The following ETNK2 variants were observed in gnomAD, a reference collection of about 807,000 sequenced individuals.
ETNK2 encodes ethanolamine kinase 2.
Under a neutral mutation model 46.2 loss-of-function variants are expected in ETNK2, and 33 were observed. The ratio of observed to expected loss-of-function variants is 0.71; its 90% CI spans 0.54 to 0.96. The LOEUF (loss-of-function observed/expected upper bound fraction) is 0.96, where lower values mean the gene tolerates loss of function less well. Among genes scored for constraint, ETNK2 ranks in the 40% least tolerant of loss-of-function variants. The pLI is 0.00. For missense variants in ETNK2, 445 were observed against 509.7 expected, an observed-to-expected ratio of 0.87 and a Z score of 1.22; for synonymous variants, 194 against 209.0, an observed-to-expected ratio of 0.93 and a Z score of 0.62.
Position 204,151,873 on chromosome 1 carries a change from C to A in ETNK2, c.-21G>T, listed in dbSNP as rs905847595. 20 of 1,418,546 alleles carry A rather than the reference C, an allele frequency of 1.4e-5. No homozygotes were observed. The highest frequency in any genetic ancestry group is 1.8e-5 in the Non-Finnish European group (20 of 1,091,850). 87.9% of individuals were successfully genotyped at this position (1,418,546 alleles called of 1,614,324 possible). ...GCCATTCCCAGCAGCCCCACCCCCTCGGAGCCGCGGCAGACGCTAGCCCCG... is the reference window on the plus strand; with the variant it reads ...GCCATTCCCAGCAGCCCCACCCCCTAGGAGCCGCGGCAGACGCTAGCCCCG... On this transcript the variant is annotated 5_prime_UTR_variant, in exon 1 of 8. Transcript: ENST00000367202. This position sits in a 1 kb window ranked among gnomAD's most constrained non-coding sequence, Gnocchi z 8.0.
At position 204,137,167 on chromosome 1, in the gene ETNK2, C is replaced by T. The variant is rs770971979; in HGVS notation, c.951G>A (p.Lys317=). The change falls in exon 6 of 8, where the codon AAG becomes AAA. Residue 317 remains lysine (K), a synonymous_variant. Coordinates refer to ENST00000367202, the MANE Select transcript of ETNK2 (RefSeq NM_018208.4). ...QWLHYYLQAQ[K]GMAVTPREVQ... is the part of the protein sequence containing the mutation. ...CCTCCCTGGGGGTCACGGCCATCCC[C>T]TTTTGTGCCTGCAGGTAGTAGTGCA... 2 of 1,614,002 alleles carry T rather than the reference C, an allele frequency of 1.2e-6. No individual in the cohort carries two copies. Among genetic ancestry groups the T allele is most frequent in the Non-Finnish European group, 8.5e-7 (1 of 1,179,862 alleles).
At chr1:204,144,205 G>T (rs1657678603) in intron 3 of ETNK2, among the ~76,000 whole-genome samples, 1 of 151,802 alleles carries the variant, frequency 6.6e-6, no homozygotes, top group South Asian at 2.1e-4. Context: ...AATTAGCCGG[G>T]CGTGGTGGTG....
chr1:204,139,870 GTATT>G (rs1657431960), intron 5 of ETNK2, among the ~76,000 whole-genome samples, 161 bp downstream of exon 5: 1 of 152,172 alleles, frequency 6.6e-6, no homozygotes, highest in Non-Finnish European at 1.5e-5. Flanking sequence ...ACAATGCTAA[GTATT>G]TACGTATCTA....
Position 204,146,743 on chromosome 1 carries a change from T to C in ETNK2, c.540A>G (p.Ala180=). ...RLFRLIALEM[A]KIHTIHANGS... is the part of the protein sequence containing the mutation. ...CGTTGGCGTGGATAGTATGAATCTT[T>C]GCCATTTCTAAGGCGATTAACCTAC... The change falls in exon 3 of 8, where the codon GCA becomes GCG. Residue 180 remains alanine, a synonymous_variant. Coordinates refer to ENST00000367202, the MANE Select transcript of ETNK2 (RefSeq NM_018208.4). 6.2e-7 allele frequency: 1 copy of C among 1,614,030 alleles called. No individual in the cohort carries two copies. Among genetic ancestry groups the C allele is most frequent in the Non-Finnish European group, 8.5e-7 (1 of 1,179,902 alleles).
Position 204,132,226 on chromosome 1 carries a change from G to C in ETNK2, c.1119C>G (p.Phe373Leu), listed in dbSNP as rs1657102155. ...RYAVIRFNQY[F>L]KVKPQASALE... ...AGGCTGACGCTTGAGGCTTCACCTT[G>C]AAGTACTGGTTGAATCGGATCACTG... The change falls in exon 8 of 8, where the codon TTC (phenylalanine) becomes TTG (leucine). Residue 373 changes from phenylalanine (F) to leucine (L), a missense_variant. Phe to Leu is a conservative substitution (Grantham distance 22). Coordinates refer to ENST00000367202, the MANE Select transcript of ETNK2 (RefSeq NM_018208.4). 1 of 1,573,064 alleles carries C rather than the reference G, an allele frequency of 6.4e-7. No homozygotes were observed. The highest frequency in any genetic ancestry group is 1.2e-5 in the South Asian group (1 of 85,312).
In ETNK2 at chr1:204,134,552, G is replaced by T. The variant is rs1268901933; in HGVS notation, c.1051C>A (p.Gln351Lys). The T allele has an allele frequency of 6.2e-7, 1 of 1,614,026 alleles. No individual in the cohort carries two copies. Among genetic ancestry groups the T allele is most frequent in the South Asian group, 1.1e-5 (1 of 91,076 alleles). ...HFFWALWALI[Q>K]NQYSTIDFDF... ...AAGTCGATGGTGGAGTACTGGTTCT[G>T]GATGAGGGCCCAGAGAGCCCAGAAG... The change falls in exon 7 of 8, where the codon CAG becomes AAG. Residue 351 changes from glutamine to lysine, a missense_variant. Gln to Lys is a moderately conservative substitution (Grantham distance 53). Transcript: ENST00000367202.
chr1:204,150,577 A>G (rs530741709), intron 1 of ETNK2: 2 of 153,482 alleles, frequency 1.3e-5, no homozygotes, highest in East Asian at 3.9e-4. Flanking sequence ...GAACCATGGA[A>G]TTTACGGGGC....
Position 204,131,534 on chromosome 1 carries a change from G to T in ETNK2, c.*650C>A, listed in dbSNP as rs543769555. 1 of 153,258 alleles carries T rather than the reference G, an allele frequency of 6.5e-6. No homozygotes were observed. Among genetic ancestry groups the T allele is most frequent in the African/African-American group, 2.4e-5 (1 of 41,476 alleles). The allele number at this position is 153,258 out of a possible 1,614,324, so 9.5% of individuals were successfully genotyped here. ...CCCTCTCCTGTCCCCCCAGCAGGGGGACAAAACAGAAGCACAGGAGAGCAC... is the reference window on the plus strand; with the variant it reads ...CCCTCTCCTGTCCCCCCAGCAGGGGTACAAAACAGAAGCACAGGAGAGCAC... On this transcript the variant is annotated 3_prime_UTR_variant, in exon 8 of 8. Transcript: ENST00000367202. This position sits in a 1 kb window ranked among gnomAD's most constrained non-coding sequence, Gnocchi z 4.3.
chr1:204,143,228 T>C (rs1657630389), intron 3 of ETNK2, among the ~76,000 whole-genome samples: 1 of 151,904 alleles, frequency 6.6e-6, no homozygotes, highest in Admixed American at 6.6e-5. Flanking sequence ...AAGATTCCTT[T>C]TTTTTTTTTC....
At chr1:204,150,995 C>T in intron 1 of ETNK2, 1 of 158,004 alleles carries the variant, frequency 6.3e-6, no homozygotes, top group Non-Finnish European at 1.4e-5. Context: ...GCTCTGCCCA[C>T]AGGTGTGTCC....
rs1371159455 is a variant in ETNK2, at chr1:204,131,309, T to C, written c.*875A>G. 6.6e-6 allele frequency: 1 copy of C among 152,198 alleles called. No individual in the cohort carries two copies. The highest frequency in any genetic ancestry group is 2.4e-5 in the African/African-American group (1 of 41,392). The allele number at this position is 152,198 out of a possible 1,614,324, so 9.4% of individuals were successfully genotyped here. ...CTTGGCTCCCTCTAGTCATTCCAGA[T>C]AGGAAGACCTCGGGTCAGCTTCAGG... On this transcript the variant is annotated 3_prime_UTR_variant, in exon 8 of 8. Transcript: ENST00000367202. The surrounding 1 kb of genome is among the most constrained non-coding windows in gnomAD (Gnocchi z 4.3).
At chr1:204,147,927 AG>A (rs1329659751) in intron 2 of ETNK2, among the ~76,000 whole-genome samples, 1 of 152,258 alleles carries the variant, frequency 6.6e-6, no homozygotes, top group Non-Finnish European at 1.5e-5. Flanking sequence ...TGGGCAAGGC[AG>A]GGAAACAGAC....
Position 204,132,150 on chromosome 1 carries a change from A to C in ETNK2, c.*34T>G, listed in dbSNP as rs772509364. ...TGAGCTCTGGAGAACAGGTCTGGCC[A>C]GACAGATGGGTAGGGGAGGGATGGG... On this transcript the variant is annotated 3_prime_UTR_variant, in exon 8 of 8. Coordinates refer to ENST00000367202, the MANE Select transcript of ETNK2 (RefSeq NM_018208.4). The C allele has an allele frequency of 1.7e-4, 262 of 1,531,182 alleles. No individual in the cohort carries two copies. Among genetic ancestry groups the C allele is most frequent in the Non-Finnish European group, 2.2e-4 (248 of 1,126,870 alleles). The allele number at this position is 1,531,182 out of a possible 1,614,324, so 94.8% of individuals were successfully genotyped here.
chr1:204,141,825 G>C (rs979277713), intron 3 of ETNK2: 6 of 207,332 alleles, frequency 2.9e-5, no homozygotes, highest in African/African-American at 4.6e-5. Flanking sequence ...GGGGATTCCA[G>C]ACTAAGAACA....
chr1:204,147,312 G>C (rs909349492), intron 2 of ETNK2: 1 of 426,694 alleles, frequency 2.3e-6, no homozygotes, highest in Non-Finnish European at 4.8e-6. Flanking sequence ...GCTATAGGGA[G>C]TTGATGCTGG....
At position 204,149,805 on chromosome 1, in the gene ETNK2, C is replaced by G; in HGVS notation, c.416G>C (p.Cys139Ser). The G allele has an allele frequency of 6.2e-7, 1 of 1,607,752 alleles. No individual in the cohort carries two copies. The highest frequency in any genetic ancestry group is 8.5e-7 in the Non-Finnish European group (1 of 1,177,300). Residue 139 changes from cysteine (C) to serine (S), a missense_variant, in exon 2 of 8, where the codon TGT becomes TCT. Coordinates refer to ENST00000367202, the MANE Select transcript of ETNK2 (RefSeq NM_018208.4). The part of the protein sequence containing the change: ...RNFQLLRAHS[C>S]APKLYCTFQN... ...GAAGGTGCAGTAGAGTTTGGGGGCA[C>G]AGCTGTGTGCTCGCAGCAGCTGGAA...
At chr1:204,133,722 G>A (rs1231148468) in intron 7 of ETNK2, among the ~76,000 whole-genome samples, 1 of 151,824 alleles carries the variant, frequency 6.6e-6, no homozygotes, top group Non-Finnish European at 1.5e-5. Flanking sequence ...TAGTAGAGAC[G>A]GGGTTTCACC....
At chr1:204,134,845 A>G (rs1370796221) in intron 6 of ETNK2, among the ~76,000 whole-genome samples, 1 of 152,192 alleles carries the variant, frequency 6.6e-6, no homozygotes, top group Non-Finnish European at 1.5e-5. Context: ...ACCCTAAGGC[A>G]GGTAGTCAGC....
chr1:204,139,364 C>T (rs578179941), intron 5 of ETNK2, among the ~76,000 whole-genome samples: 10 of 152,282 alleles, frequency 6.6e-5, no homozygotes, highest in South Asian at 2.1e-4. Context: ...CTGCAGCAAT[C>T]GTCTAAGCTG....
Sources: gnomAD v4.1 joint callset for allele counts (sites outside exome capture counted in the v4.1 genomes callset) on GRCh38, gnomAD v4.1.1 for gene constraint, Gnocchi (gnomAD v3.1) non-coding constraint, MANE v1.5 for transcripts, NCBI Gene and HGNC (gene_info 2026-07-23, HGNC 2026-07-21) for gene names.